The following NSFL1C variants were observed in gnomAD, a reference collection of about 807,000 sequenced individuals.
NSFL1C encodes the protein NSFL1 cofactor.
In NSFL1C, 14 loss-of-function variants were observed where a neutral mutation model predicts 43.1. The observed-to-expected ratio is 0.32, with a 90% CI of 0.21 to 0.51. NSFL1C has a LOEUF of 0.51. Among genes scored for constraint, NSFL1C ranks in the 20% least tolerant of loss-of-function variants. NSFL1C has a pLI of 0.98. For synonymous variants in NSFL1C, 171 were observed against 183.5 expected (o/e 0.93, Z 0.55); for missense variants, 406 against 472.5 (o/e 0.86, Z 1.30).
intron 8 of NSFL1C, among the ~76,000 whole-genome samples, chr20:1,445,101 T>C (rs1301309499): frequency 6.6e-6 from 1 of 152,232 alleles, no homozygotes; most frequent in Non-Finnish European, 1.5e-5. Context: ...ACTAGTCTCT[T>C]CACTTTGCTG....
At chr20:1,458,155 G>C in intron 3 of NSFL1C, 45 bp downstream of exon 3, 1 of 1,463,810 alleles carries the variant, frequency 6.8e-7, no homozygotes, top group African/African-American at 1.4e-5. Flanking sequence ...CATTACCCTG[G>C]ACTTCCCTGT....
intron 2 of NSFL1C, among the ~76,000 whole-genome samples, chr20:1,460,407 T>C (rs2090387322): frequency 6.6e-6 from 1 of 152,198 alleles, no homozygotes; most frequent in Admixed American, 6.5e-5. Context: ...CCGACATATA[T>C]TCAAGTTCAG....
At chr20:1,451,770 T>C (rs539742885) in intron 7 of NSFL1C, among the ~76,000 whole-genome samples, 21 of 152,176 alleles carry the variant, frequency 1.4e-4, no homozygotes, top group African/African-American at 5.1e-4. Flanking sequence ...TATTAACCAA[T>C]CAGATATCAT....
At position 1,452,727 on chromosome 20, in the gene NSFL1C, A is replaced by C. The variant is rs2090209599; in HGVS notation, c.648-97T>G. The C allele has an allele frequency of 3.4e-6, 5 of 1,481,994 alleles. No individual in the cohort carries two copies. The Admixed American group carries it at 9.7e-5, about 29-fold the overall frequency. 91.8% of individuals were successfully genotyped at this position (1,481,994 alleles called of 1,614,324 possible). Reference sequence around the variant, plus strand: ...AGAAACCTCTCAGTCCCGTGGTGAAAAATCGCTGGGCCTCCAAAGGGAGCA... The same window carrying C: ...AGAAACCTCTCAGTCCCGTGGTGAACAATCGCTGGGCCTCCAAAGGGAGCA... On this transcript the variant is annotated intron_variant, in intron 6 of 8. Coordinates refer to ENST00000216879, the MANE Select transcript of NSFL1C (RefSeq NM_016143.5).
rs148242842 is a variant in NSFL1C at position 1,446,703 on chromosome 20, C to T, written c.786-873G>A. Reference sequence around the variant, plus strand: ...TGCACATAGGACTCCCAATTCTCCACAACTGTATGGAGCCGCCTTCTCTCC... The same window carrying T: ...TGCACATAGGACTCCCAATTCTCCATAACTGTATGGAGCCGCCTTCTCTCC... On this transcript the variant is annotated intron_variant, in intron 7 of 8. Transcript: ENST00000216879. Among the ~76,000 whole-genome samples the T allele has an allele frequency of 7.3e-4, 110 of 150,608 alleles. 1 individual carries two copies. The highest frequency in any genetic ancestry group is 2.5e-3 in the African/African-American group (104 of 41,546).
Position 1,454,989 on chromosome 20 carries a change from G to T in NSFL1C, c.422C>A (p.Pro141His). ...CACTCTCGGTTTACTGGTCTCTCCAGGGCTCTTGGTCACTCGCTCCACAGC... is the reference window on the plus strand; with the variant it reads ...CACTCTCGGTTTACTGGTCTCTCCATGGCTCTTGGTCACTCGCTCCACAGC... ...AVAVERVTKS[P>H]GETSKPRPFA... The change falls in exon 4 of 9, where the codon CCT becomes CAT. Residue 141 changes from proline (P) to histidine (H), a missense_variant. This residue lies in a region of NSFL1C where 203 missense variants were observed against 216.3 expected (regional missense o/e 0.94). Coordinates refer to ENST00000216879, the MANE Select transcript of NSFL1C (RefSeq NM_016143.5). 6.2e-7 allele frequency: 1 copy of T among 1,613,860 alleles called. No individual in the cohort carries two copies. Among genetic ancestry groups the T allele is most frequent in the Non-Finnish European group, 8.5e-7 (1 of 1,180,030 alleles).
intron 1 of NSFL1C, 111 bp downstream of exon 1, chr20:1,466,609 C>A: frequency 9.5e-7 from 1 of 1,054,126 alleles, no homozygotes; most frequent in Non-Finnish European, 1.4e-6. Flanking sequence ...TGGGTCGGGC[C>A]GCGGTAGAGC....
intron 3 of NSFL1C, chr20:1,456,517 G>C (rs1240904921): frequency 1.3e-5 from 2 of 152,180 alleles, no homozygotes. Flanking sequence ...CTGCATTCCC[G>C]AAATAGTTAT....
chr20:1,464,142 A>G, intron 2 of NSFL1C, 187 bp downstream of exon 2: 1 of 555,878 alleles, frequency 1.8e-6, no homozygotes, highest in Non-Finnish European at 3.2e-6. Context: ...AACCACACCC[A>G]GTTAAAAGTC....
chr20:1,466,298 T>A (rs2090509397), intron 1 of NSFL1C, among the ~76,000 whole-genome samples: 1 of 152,182 alleles, frequency 6.6e-6, no homozygotes, highest in Non-Finnish European at 1.5e-5. Context: ...TGGGCGGCGG[T>A]CAACTCCCGG....
intron 7 of NSFL1C, among the ~76,000 whole-genome samples, chr20:1,447,753 T>C (rs1435609603): frequency 7.8e-6 from 1 of 128,802 alleles, no homozygotes; most frequent in Non-Finnish European, 1.6e-5. Flanking sequence ...CCAAAATAGC[T>C]GATATCAGTT....
chr20:1,445,615 G>A, intron 8 of NSFL1C, 51 bp downstream of exon 8: 1 of 1,585,776 alleles, frequency 6.3e-7, no homozygotes, highest in Non-Finnish European at 8.6e-7. Flanking sequence ...ACATTTGCGT[G>A]AGGCCCAGAG....
chr20:1,455,989 T>A, intron 3 of NSFL1C: 1 of 510,666 alleles, frequency 2.0e-6, no homozygotes, highest in Non-Finnish European at 3.5e-6. Context: ...TAGTACTTTT[T>A]TATATGGGCC....
chr20:1,446,040 C>A lies in NSFL1C; in HGVS notation c.786-210G>T, dbSNP rs2064645. The A allele has an allele frequency of 5.0e-6, 3 of 599,996 alleles. No individual in the cohort carries two copies. In the South Asian group the frequency reaches 5.8e-5, roughly 12 times the overall value. 37.2% of individuals were successfully genotyped at this position (599,996 alleles called of 1,614,324 possible). A position where few individuals can be genotyped will look rare whatever the true frequency, so the allele number is the denominator to read the frequency against. The stretch of plus-strand genomic sequence containing the variant: ...CAAACCCTGAGTCATATATTTCATA[C>A]GTTATTGCTAGCTCCCTCGCTCCTG... On this transcript the variant is annotated intron_variant, in intron 7 of 8. Transcript: ENST00000216879.
chr20:1,449,108 C>T (rs2090132234), intron 7 of NSFL1C, among the ~76,000 whole-genome samples: 1 of 152,218 alleles, frequency 6.6e-6, no homozygotes, highest in African/African-American at 2.4e-5. Flanking sequence ...CAGCTCTGCA[C>T]TGGCCAGCAA....
At chr20:1,464,731 A>C (rs2090476247) in intron 1 of NSFL1C, among the ~76,000 whole-genome samples, 1 of 152,264 alleles carries the variant, frequency 6.6e-6, no homozygotes, top group African/African-American at 2.4e-5. Flanking sequence ...GAGCATTTAC[A>C]TGCCAGGTTG....
rs550896041 is a variant in NSFL1C, at chr20:1,464,817, T to C, written c.106-391A>G. ...CTATTAGTACTCTTATCATCTCATT[T>C]TATAGTTGATACAGAAGCACTGAGG... On this transcript the variant is annotated intron_variant, in intron 1 of 8. Transcript: ENST00000216879. Among the ~76,000 whole-genome samples, 4 of 152,328 alleles carry C rather than the reference T, an allele frequency of 2.6e-5. No individual in the cohort carries two copies. The East Asian group carries it at 7.7e-4, about 29-fold the overall frequency.
At chr20:1,458,343 C>G in intron 2 of NSFL1C, 69 bp from the exon 3 acceptor site, 2 of 1,314,046 alleles carry the variant, frequency 1.5e-6, no homozygotes, top group Non-Finnish European at 2.2e-6. Flanking sequence ...TCACCAGCTG[C>G]TAAGGAGGTG....
At chr20:1,445,904 T>C in intron 7 of NSFL1C, 74 bp from the exon 8 acceptor site, 3 of 1,483,836 alleles carry the variant, frequency 2.0e-6, no homozygotes, top group Non-Finnish European at 2.8e-6. Context: ...CTTCTTGGAC[T>C]GTTACTGAGC....
Sources: allele counts gnomAD v4.1 joint callset (sites outside exome capture counted in the v4.1 genomes callset), GRCh38; gene constraint gnomAD v4.1.1; regional missense constraint gnomAD v4.1.1; transcripts MANE v1.5; gene names NCBI Gene and HGNC (gene_info 2026-07-23, HGNC 2026-07-21).